The following BRWD1 variants were observed in gnomAD, a reference collection of about 807,000 sequenced individuals.
The protein encoded by BRWD1 is bromodomain and WD repeat-containing protein 1.
BRWD1 carries 82 observed loss-of-function variants against 251.2 expected under a neutral mutation model. The observed-to-expected ratio is 0.33, with a 90% CI of 0.27 to 0.39. The LOEUF (loss-of-function observed/expected upper bound fraction) is 0.39. Ranked by LOEUF, BRWD1 falls within the 10% of genes least tolerant of loss-of-function variation. BRWD1 has a pLI of 1.00. For missense variants in BRWD1, 2,233 were observed against 2,711.6 expected, an observed-to-expected ratio of 0.82 and a Z score of 3.92; for synonymous variants, 918 against 902.8, an observed-to-expected ratio of 1.02 and a Z score of -0.30.
chr21:39,222,186 A>G (rs2033205242), intron 29 of BRWD1, among the ~76,000 whole-genome samples: 2 of 152,196 alleles, frequency 1.3e-5, no homozygotes, highest in Non-Finnish European at 2.9e-5. Context: ...TAACCCAGCA[A>G]TGCCACTCCT....
At chr21:39,296,411 AAG>A in intron 5 of BRWD1, 48 bp from the exon 6 acceptor site, 1 of 1,498,770 alleles carries the variant, frequency 6.7e-7, no homozygotes, top group Non-Finnish European at 8.9e-7. Flanking sequence ...AGTTAACCCC[AAG>A]AAAGATTTTA....
At chr21:39,218,075 A>G (rs1384854256) in intron 31 of BRWD1, 77 bp downstream of exon 31, 1 of 1,409,204 alleles carries the variant, frequency 7.1e-7, no homozygotes, top group African/African-American at 1.4e-5. Context: ...TTCTACCACT[A>G]TCTCTTTCTT....
In BRWD1 at chr21:39,191,302, C is replaced by T. The variant is rs992303593; in HGVS notation, c.*4957G>A. On this transcript the variant is annotated 3_prime_UTR_variant, in exon 41 of 41. Coordinates refer to ENST00000342449, the MANE Select transcript of BRWD1 (RefSeq NM_033656.4). ...CAGCGCTCGCACCCCTATATTCTGCCTGCATGAAAAGAAATTACCAGTGGA... is the reference window on the plus strand; with the variant it reads ...CAGCGCTCGCACCCCTATATTCTGCTTGCATGAAAAGAAATTACCAGTGGA... The T allele has an allele frequency of 3.7e-4, 360 of 985,202 alleles. 4 individuals are homozygous for T. Among genetic ancestry groups the T allele is most frequent in the Middle Eastern group, 1.0e-3 (2 of 1,936 alleles). The allele number at this position is 985,202 out of a possible 1,614,324, so 61.0% of individuals were successfully genotyped here.
At chr21:39,258,252 T>C (rs1205721200) in intron 18 of BRWD1, among the ~76,000 whole-genome samples, 1 of 152,224 alleles carries the variant, frequency 6.6e-6, no homozygotes, top group Non-Finnish European at 1.5e-5. Flanking sequence ...AATACAATTT[T>C]GTAAATACTG....
rs2036739064 is a variant in BRWD1 at position 39,320,753 on chromosome 21, C to T, written n.534+273G>A. Among the ~76,000 whole-genome samples, 8 of 149,868 alleles carry T rather than the reference C, an allele frequency of 5.3e-5. No individual in the cohort carries two copies. The South Asian group carries it at 1.5e-3, about 28-fold the overall frequency. On this transcript the variant is annotated intron_variant and non_coding_transcript_variant, in intron 1 of 4. Transcript: ENST00000470108. ...TGGCATGATCTCGGCTCACTACACC[C>T]TCCGCCTCCCAGGTTCAAGCAATTC...
intron 7 of BRWD1, among the ~76,000 whole-genome samples, chr21:39,294,978 T>G (rs1001070674): frequency 2.0e-5 from 3 of 152,188 alleles, no homozygotes; most frequent in Non-Finnish European, 4.4e-5. Context: ...TTTTAATACT[T>G]ACTTGAACAC....
intron 31 of BRWD1, chr21:39,217,054 T>TATAA (rs2032957831): frequency 1.1e-4 from 2 of 17,592 alleles, no homozygotes; most frequent in African/African-American, 1.9e-4. Flanking sequence ...TATATATTTA[T>TATAA]ATATATATAT....
At chr21:39,217,353 CA>C in intron 31 of BRWD1, 1 of 11,804 alleles carries the variant, frequency 8.5e-5, no homozygotes, top group South Asian at 9.7e-4. Context: ...GCCTGGGCCT[CA>C]TGAAAGTGCT....
chr21:39,291,197 C>T (rs1326754359), intron 8 of BRWD1, among the ~76,000 whole-genome samples: 4 of 152,184 alleles, frequency 2.6e-5, no homozygotes, highest in African/African-American at 9.6e-5. Flanking sequence ...AGAATACTGA[C>T]TAGAACAAAA....
intron 26 of BRWD1, 97 bp downstream of exon 26, chr21:39,229,215 T>C (rs1195932078): frequency 1.8e-6 from 2 of 1,109,762 alleles, no homozygotes; most frequent in Non-Finnish European, 2.6e-6. Flanking sequence ...GCTCTACCAG[T>C]TACCCTGGAG....
chr21:39,298,376 T>C lies in BRWD1; in HGVS notation c.349+56A>G, dbSNP rs748692553. On this transcript the variant is annotated intron_variant, in intron 5 of 40. Transcript: ENST00000342449. ...CACAATGCTTACATTACTTCACAATTATAATAATTATTAGGCTATTAATAC... is the reference window on the plus strand; with the variant it reads ...CACAATGCTTACATTACTTCACAATCATAATAATTATTAGGCTATTAATAC... 2.0e-6 allele frequency: 3 copies of C among 1,466,866 alleles called. No individual in the cohort carries two copies. In the East Asian group the frequency reaches 7.5e-5, roughly 36 times the overall value. The allele number at this position is 1,466,866 out of a possible 1,614,324, so 90.9% of individuals were successfully genotyped here.
intron 5 of BRWD1, 75 bp downstream of exon 5, chr21:39,298,357 G>A: frequency 1.4e-6 from 2 of 1,426,164 alleles, no homozygotes; most frequent in East Asian, 2.6e-5. Context: ...CTTCCACAAT[G>A]CTTACATTAC....
chr21:39,212,040 A>T (rs941501495), intron 34 of BRWD1, among the ~76,000 whole-genome samples: 1 of 152,042 alleles, frequency 6.6e-6, no homozygotes, highest in Non-Finnish European at 1.5e-5. Context: ...TCATCCCAAC[A>T]TATCTCCATT....
At chr21:39,282,108 A>G (rs1011447838) in intron 8 of BRWD1, among the ~76,000 whole-genome samples, 5 of 151,888 alleles carry the variant, frequency 3.3e-5, no homozygotes, top group African/African-American at 9.7e-5. Flanking sequence ...AAACATATAT[A>G]TAAAATAAAA....
chr21:39,311,163 A>G (rs751055558), intron 4 of BRWD1, among the ~76,000 whole-genome samples: 13 of 151,876 alleles, frequency 8.6e-5, no homozygotes, highest in Non-Finnish European at 1.6e-4. Flanking sequence ...AAAAATTTAT[A>G]TAAATTTTTT....
intron 22 of BRWD1, among the ~76,000 whole-genome samples, chr21:39,237,186 T>C (rs1243680657): frequency 2.0e-5 from 3 of 151,894 alleles, no homozygotes; most frequent in African/African-American, 7.3e-5. Context: ...GAAGCTGAGG[T>C]ATAGACCAGG....
At chr21:39,302,574 T>C (rs1358255548) in intron 4 of BRWD1, among the ~76,000 whole-genome samples, 1 of 151,868 alleles carries the variant, frequency 6.6e-6, no homozygotes, top group South Asian at 2.1e-4. Flanking sequence ...CTGGCTAACA[T>C]GGTGAAACCC....
intron 13 of BRWD1, 40 bp downstream of exon 13, chr21:39,274,334 A>T: frequency 6.8e-7 from 1 of 1,461,046 alleles, no homozygotes; most frequent in Non-Finnish European, 9.6e-7. Flanking sequence ...AGACAGATCG[A>T]ACACCTATGA....
intron 21 of BRWD1, among the ~76,000 whole-genome samples, chr21:39,240,371 G>A (rs895580375): frequency 6.6e-6 from 1 of 152,228 alleles, no homozygotes; most frequent in African/African-American, 2.4e-5. Context: ...GCACATGCCT[G>A]TAGTCCTAGC....
Sources: allele counts gnomAD v4.1 joint callset (sites outside exome capture counted in the v4.1 genomes callset), GRCh38; gene constraint gnomAD v4.1.1; transcripts MANE v1.5; gene names NCBI Gene and HGNC (gene_info 2026-07-23, HGNC 2026-07-21).